The following PRKD1 variants were observed in gnomAD, a reference collection of about 807,000 sequenced individuals.
PRKD1 encodes the protein protein kinase D1.
Under a neutral mutation model 95.9 loss-of-function variants are expected in PRKD1, and 63 were observed. The ratio of observed to expected loss-of-function variants is 0.66; its 90% CI spans 0.54 to 0.81. PRKD1 has a LOEUF of 0.81. Ranked by LOEUF, PRKD1 falls within the 30% of genes least tolerant of loss-of-function variation. The pLI is 0.00. For missense variants in PRKD1, 1,048 were observed against 1,165.3 expected, an observed-to-expected ratio of 0.90 and a Z score of 1.47; for synonymous variants, 425 against 423.1, an observed-to-expected ratio of 1.00 and a Z score of -0.05.
chr14:29,855,505 C>G (rs925908347), intron 1 of PRKD1, among the ~76,000 whole-genome samples: 6 of 152,166 alleles, frequency 3.9e-5, no homozygotes, highest in African/African-American at 7.2e-5. Context: ...AAGGAACTTG[C>G]CTTGTCTCAG....
At chr14:29,888,352 TAAAG>T (rs1893813205) in intron 1 of PRKD1, among the ~76,000 whole-genome samples, 1 of 148,670 alleles carries the variant, frequency 6.7e-6, no homozygotes, top group Admixed American at 6.7e-5. Flanking sequence ...AAAGAGAAAA[TAAAG>T]AAAAACAAAA....
At chr14:29,903,250 T>C (rs1055724207) in intron 1 of PRKD1, among the ~76,000 whole-genome samples, 6 of 152,224 alleles carry the variant, frequency 3.9e-5, no homozygotes, top group Admixed American at 1.3e-4. Context: ...GAGCATACTA[T>C]CCAACCAGCC....
intron 1 of PRKD1, among the ~76,000 whole-genome samples, chr14:29,824,095 TTAAGTGAGTTA>T (rs1891023276): frequency 6.6e-6 from 1 of 152,156 alleles, no homozygotes; most frequent in African/African-American, 2.4e-5. Context: ...TGTGTGAATT[TTAAGTGAGTTA>T]TCAGCTACGA....
chr14:29,730,853 T>C (rs916131471), intron 1 of PRKD1, among the ~76,000 whole-genome samples: 1 of 151,936 alleles, frequency 6.6e-6, no homozygotes, highest in African/African-American at 2.4e-5. Context: ...GGCTAAGCGG[T>C]GGGTGAGAAA....
intron 1 of PRKD1, among the ~76,000 whole-genome samples, chr14:29,890,002 G>T (rs1462702327): frequency 5.9e-5 from 9 of 152,216 alleles, no homozygotes; most frequent in Admixed American, 6.5e-5. Flanking sequence ...GAGTAGAAAG[G>T]AACAGTGTCT....
chr14:29,696,977 G>A (rs934873320), intron 2 of PRKD1, among the ~76,000 whole-genome samples: 1 of 152,016 alleles, frequency 6.6e-6, no homozygotes, highest in Non-Finnish European at 1.5e-5. Context: ...TGCCGTGCTT[G>A]AGCGCCATTT....
chr14:29,826,102 C>T (rs541105407), intron 1 of PRKD1, among the ~76,000 whole-genome samples: 17 of 150,266 alleles, frequency 1.1e-4, no homozygotes, highest in South Asian at 1.0e-3. Context: ...AAAGAAACTG[C>T]GTGGTATGTG....
intron 2 of PRKD1, among the ~76,000 whole-genome samples, chr14:29,697,072 G>GA (rs907233900): frequency 8.0e-5 from 12 of 150,852 alleles, no homozygotes; most frequent in Non-Finnish European, 2.9e-5. Context: ...TGATTTTCTA[G>GA]AAAAAGAAGC....
At chr14:29,779,597 T>C (rs1194796909) in intron 1 of PRKD1, among the ~76,000 whole-genome samples, 1 of 152,156 alleles carries the variant, frequency 6.6e-6, no homozygotes, top group East Asian at 1.9e-4. Flanking sequence ...GAAGGACCTC[T>C]TCCAGGAGAA....
At chr14:29,847,084 G>T (rs922431363) in intron 1 of PRKD1, among the ~76,000 whole-genome samples, 4 of 152,134 alleles carry the variant, frequency 2.6e-5, no homozygotes, top group East Asian at 1.9e-4. Flanking sequence ...TGTACTGCAG[G>T]GGGGGTTGTG....
chr14:29,610,352 C>G (rs1188522230), intron 13 of PRKD1, among the ~76,000 whole-genome samples: 1 of 151,898 alleles, frequency 6.6e-6, no homozygotes, highest in African/African-American at 2.4e-5. Context: ...AAAAAATGGG[C>G]CAAAAACCTT....
intron 4 of PRKD1, among the ~76,000 whole-genome samples, chr14:29,641,898 C>CTTTTTTT (rs751584936): frequency 2.7e-4 from 31 of 116,678 alleles, no homozygotes; most frequent in Non-Finnish European, 3.8e-4. Context: ...AAAAATATTT[C>CTTTTTTT]TTTTTTTTTT....
intron 4 of PRKD1, among the ~76,000 whole-genome samples, chr14:29,642,911 G>C (rs931108705): frequency 5.3e-5 from 6 of 112,320 alleles, no homozygotes; most frequent in African/African-American, 1.4e-4. Flanking sequence ...TCTGCAGAAT[G>C]ATTTTTTTTT....
At chr14:29,851,632 T>C (rs1490239670) in intron 1 of PRKD1, among the ~76,000 whole-genome samples, 6 of 152,106 alleles carry the variant, frequency 3.9e-5, no homozygotes, top group Admixed American at 3.9e-4. Flanking sequence ...ACACTGCTGG[T>C]AGGAAAGCAA....
At chr14:29,865,156 G>C (rs1892846455) in intron 1 of PRKD1, among the ~76,000 whole-genome samples, 1 of 152,154 alleles carries the variant, frequency 6.6e-6, no homozygotes, top group Admixed American at 6.5e-5. Flanking sequence ...ATGGACTCAT[G>C]TGCCAAAGAA....
chr14:29,746,531 TACAC>T (rs143019466), intron 1 of PRKD1, among the ~76,000 whole-genome samples: 6 of 149,472 alleles, frequency 4.0e-5, no homozygotes, highest in South Asian at 2.1e-4. Context: ...TGTACATATA[TACAC>T]ACACACACAC....
chr14:29,637,804 C>A (rs1405367911), intron 6 of PRKD1, among the ~76,000 whole-genome samples: 1 of 152,152 alleles, frequency 6.6e-6, no homozygotes, highest in Admixed American at 6.5e-5. Context: ...AAATATTCAA[C>A]TGAAAGTATC....
chr14:29,847,901 T>C (rs1167734350), intron 1 of PRKD1, among the ~76,000 whole-genome samples: 1 of 151,896 alleles, frequency 6.6e-6, no homozygotes, highest in African/African-American at 2.4e-5. Context: ...CCTTTCACTC[T>C]CTCTAGGATT....
intron 13 of PRKD1, among the ~76,000 whole-genome samples, chr14:29,611,975 C>T (rs1878501335): frequency 6.6e-6 from 1 of 152,090 alleles, no homozygotes; most frequent in African/African-American, 2.4e-5. Flanking sequence ...TTTGACAAAT[C>T]CTATTACTGT....
Sources: allele counts gnomAD v4.1 joint callset (sites outside exome capture counted in the v4.1 genomes callset), GRCh38; gene constraint gnomAD v4.1.1; transcripts MANE v1.5; gene names NCBI Gene and HGNC (gene_info 2026-07-23, HGNC 2026-07-21).